The following ABTB3 variants were observed in gnomAD, a reference collection of about 807,000 sequenced individuals.
The protein encoded by ABTB3 is ankyrin repeat- and BTB/POZ domain-containing protein 3.
the ABTB3 span, among the ~76,000 whole-genome samples, chr12:107,601,109 T>C: frequency 3.3e-5 from 5 of 152,226 alleles, no homozygotes; most frequent in Admixed American, 6.5e-5. Context: ...AAAAGAATTA[T>C]CTCTTTTAAA....
At chr12:107,349,087 C>G in the ABTB3 span, among the ~76,000 whole-genome samples, 70 of 152,298 alleles carry the variant, frequency 4.6e-4, 1 homozygote, top group African/African-American at 1.5e-3. Context: ...GAGTTCAGTG[C>G]CCTCTACTCA....
chr12:107,612,962 C>T, the ABTB3 span: 6 of 1,183,972 alleles, frequency 5.1e-6, no homozygotes, highest in Non-Finnish European at 7.3e-6. Context: ...AGAGCTGCCA[C>T]TGAGGGTGCA....
At chr12:107,408,004 C>A in the ABTB3 span, among the ~76,000 whole-genome samples, 1 of 152,030 alleles carries the variant, frequency 6.6e-6, no homozygotes, top group African/African-American at 2.4e-5. Context: ...CACGTCAAAC[C>A]TGTCGTTGCA....
the ABTB3 span, among the ~76,000 whole-genome samples, chr12:107,648,380 C>CACACACACACACACA: frequency 6.4e-5 from 9 of 140,200 alleles, no homozygotes; most frequent in Admixed American, 3.6e-4. Flanking sequence ...GACCCCATCT[C>CACACACACACACACA]CACACACACA....
the ABTB3 span, among the ~76,000 whole-genome samples, chr12:107,430,543 G>A: frequency 3.5e-4 from 54 of 152,114 alleles, no homozygotes; most frequent in African/African-American, 1.3e-3. Context: ...TCATGATTTG[G>A]GCCCCTTCTT....
At chr12:107,619,309 C>G in the ABTB3 span, among the ~76,000 whole-genome samples, 1 of 152,170 alleles carries the variant, frequency 6.6e-6, no homozygotes, top group African/African-American at 2.4e-5. Flanking sequence ...AGGCGAGAGG[C>G]AAATTACAGC....
the ABTB3 span, among the ~76,000 whole-genome samples, chr12:107,584,732 A>T: frequency 6.6e-6 from 1 of 152,210 alleles, no homozygotes; most frequent in Non-Finnish European, 1.5e-5. Flanking sequence ...AGAGTCAAGG[A>T]TTCCCAGGTC....
the ABTB3 span, among the ~76,000 whole-genome samples, chr12:107,553,289 A>G: frequency 1.3e-5 from 2 of 152,164 alleles, no homozygotes; most frequent in Non-Finnish European, 2.9e-5. Context: ...TAAATACTTT[A>G]TGTGTATTAA....
chr12:107,648,829 C>T, the ABTB3 span, among the ~76,000 whole-genome samples: 3 of 151,876 alleles, frequency 2.0e-5, no homozygotes, highest in South Asian at 2.1e-4. Flanking sequence ...ACAGCAGTTC[C>T]GCGCAGCATG....
At chr12:107,457,572 CT>C in the ABTB3 span, among the ~76,000 whole-genome samples, 21 of 152,194 alleles carry the variant, frequency 1.4e-4, no homozygotes, top group Non-Finnish European at 2.9e-4. Flanking sequence ...AGTGTTCAAT[CT>C]TGTTAGAGCA....
chr12:107,416,715 CA>C, the ABTB3 span, among the ~76,000 whole-genome samples: 18 of 152,260 alleles, frequency 1.2e-4, no homozygotes, highest in Admixed American at 1.1e-3. Flanking sequence ...GGCTAGAGTG[CA>C]GTGGCACAAT....
the ABTB3 span, among the ~76,000 whole-genome samples, chr12:107,404,884 T>C: frequency 4.6e-5 from 7 of 152,178 alleles, no homozygotes; most frequent in Non-Finnish European, 1.0e-4. Context: ...ATGTCTTGGC[T>C]TGTGGAAACC....
the ABTB3 span, among the ~76,000 whole-genome samples, chr12:107,498,260 T>C: frequency 4.1e-4 from 63 of 152,282 alleles, no homozygotes; most frequent in Admixed American, 2.6e-4. Context: ...CCGAGGAAGG[T>C]GTCTTGACTG....
At chr12:107,338,988 G>A in the ABTB3 span, among the ~76,000 whole-genome samples, 1 of 152,144 alleles carries the variant, frequency 6.6e-6, no homozygotes, top group Middle Eastern at 3.2e-3. Context: ...ACAGCACTCA[G>A]CTTATCAGAG....
chr12:107,341,687 CT>C, the ABTB3 span, among the ~76,000 whole-genome samples: 1 of 152,116 alleles, frequency 6.6e-6, no homozygotes, highest in Admixed American at 6.5e-5. Flanking sequence ...CCCTGAGGAG[CT>C]GGTATAGTTT....
the ABTB3 span, among the ~76,000 whole-genome samples, chr12:107,381,808 T>C: frequency 6.6e-6 from 1 of 152,184 alleles, no homozygotes; most frequent in Non-Finnish European, 1.5e-5. Context: ...ATTTAACCTC[T>C]CCTGCCTCAG....
At chr12:107,386,890 A>AGAGT in the ABTB3 span, among the ~76,000 whole-genome samples, 12 of 143,262 alleles carry the variant, frequency 8.4e-5, no homozygotes, top group Admixed American at 2.1e-4. Flanking sequence ...GGAAATGGAA[A>AGAGT]GTGTGTGTGT....
chr12:107,332,529 G>C, the ABTB3 span, among the ~76,000 whole-genome samples: 1 of 152,172 alleles, frequency 6.6e-6, no homozygotes, highest in Non-Finnish European at 1.5e-5. Flanking sequence ...CGTGCCTTGA[G>C]GAGGGAATAT....
At chr12:107,436,987 G>A in the ABTB3 span, among the ~76,000 whole-genome samples, 11 of 151,924 alleles carry the variant, frequency 7.2e-5, no homozygotes, top group African/African-American at 2.7e-4. Context: ...ATGCTTGAGT[G>A]CCCAGTCATG....
Sources: gnomAD v4.1 joint callset for allele counts (sites outside exome capture counted in the v4.1 genomes callset) on GRCh38, gnomAD v4.1.1 for gene constraint, MANE v1.5 for transcripts, NCBI Gene and HGNC (gene_info 2026-07-23, HGNC 2026-07-21) for gene names.